Variants in NHSL3 observed in about 807,000 individuals in gnomAD.
NHSL3 encodes NHS-like protein 3.
chr1:32,769,615 G>A, the NHSL3 span: 3 of 1,305,186 alleles, frequency 2.3e-6, no homozygotes, highest in Non-Finnish European at 3.3e-6. Context: ...GTAGTGCCCT[G>A]CAGAATGTGC....
At chr1:32,753,085 C>T in the NHSL3 span, among the ~76,000 whole-genome samples, 1 of 151,442 alleles carries the variant, frequency 6.6e-6, no homozygotes, top group African/African-American at 2.4e-5. Flanking sequence ...TCTCCTGCCT[C>T]AGCCTTCTGA....
At chr1:32,748,324 G>A in the NHSL3 span, among the ~76,000 whole-genome samples, 1 of 152,110 alleles carries the variant, frequency 6.6e-6, no homozygotes, top group South Asian at 2.1e-4. Context: ...GGTAAGGAGA[G>A]TCCATTATGA....
the NHSL3 span, among the ~76,000 whole-genome samples, chr1:32,760,954 T>C: frequency 1.3e-5 from 2 of 152,154 alleles, no homozygotes; most frequent in African/African-American, 4.8e-5. Flanking sequence ...GCCTGCTGCC[T>C]GAGTCTCTGC....
the NHSL3 span, chr1:32,769,582 C>G: frequency 9.9e-7 from 1 of 1,014,176 alleles, no homozygotes; most frequent in Non-Finnish European, 1.5e-6. Context: ...GAAACCATTT[C>G]TCGCAGAGCT....
the NHSL3 span, chr1:32,773,060 CAG>C: frequency 4.9e-4 from 322 of 654,178 alleles, no homozygotes; most frequent in Non-Finnish European, 7.7e-4. Context: ...CTCCTGTCCT[CAG>C]AGTCATCCTG....
chr1:32,756,653 T>G, the NHSL3 span, among the ~76,000 whole-genome samples: 1 of 68,358 alleles, frequency 1.5e-5, no homozygotes, highest in African/African-American at 6.4e-5. Context: ...TGAGACCCTG[T>G]CTCCAAAAAA....
chr1:32,758,801 C>T, the NHSL3 span, among the ~76,000 whole-genome samples: 1 of 152,058 alleles, frequency 6.6e-6, no homozygotes, highest in East Asian at 1.9e-4. Context: ...GGCTCAGGAT[C>T]ATGTTGCAAT....
At chr1:32,742,019 C>G in the NHSL3 span, 5 of 1,239,448 alleles carry the variant, frequency 4.0e-6, no homozygotes, top group Non-Finnish European at 5.1e-6. Flanking sequence ...GGCGGCCCCC[C>G]GCGCAGGAAG....
chr1:32,748,373 A>AC, the NHSL3 span, among the ~76,000 whole-genome samples: 2 of 152,110 alleles, frequency 1.3e-5, no homozygotes. Flanking sequence ...GGGCCTAGAT[A>AC]GTTCCAAAGC....
the NHSL3 span, chr1:32,765,490 A>G: frequency 4.8e-6 from 3 of 625,970 alleles, no homozygotes; most frequent in Non-Finnish European, 8.0e-6. Flanking sequence ...ATCATACTCT[A>G]CTGGAGCAGA....
chr1:32,768,557 T>C, the NHSL3 span: 4 of 1,478,406 alleles, frequency 2.7e-6, no homozygotes, highest in Middle Eastern at 1.9e-4. Flanking sequence ...ATTTCGCTAC[T>C]GCACTCCAGC....
At chr1:32,760,772 G>A in the NHSL3 span, among the ~76,000 whole-genome samples, 35 of 152,200 alleles carry the variant, frequency 2.3e-4, no homozygotes, top group South Asian at 1.2e-3. Flanking sequence ...TGTATTTTTA[G>A]TAGAGACGGG....
chr1:32,742,836 T>C, the NHSL3 span, among the ~76,000 whole-genome samples: 1 of 152,314 alleles, frequency 6.6e-6, no homozygotes, highest in African/African-American at 2.4e-5. Flanking sequence ...CACTCCTTCT[T>C]CCAGCCCTGG....
At chr1:32,772,963 A>G in the NHSL3 span, 1 of 1,426,036 alleles carries the variant, frequency 7.0e-7, no homozygotes, top group South Asian at 1.1e-5. Context: ...TCCAAGGACG[A>G]GAGGATACAG....
At chr1:32,774,178 C>CGCTT in the NHSL3 span, 1 of 152,674 alleles carries the variant, frequency 6.5e-6, no homozygotes, top group Admixed American at 6.5e-5. Flanking sequence ...CCAGGGCCAC[C>CGCTT]GCTTCTTTCT....
the NHSL3 span, among the ~76,000 whole-genome samples, chr1:32,755,533 C>G: frequency 2.6e-5 from 4 of 152,114 alleles, no homozygotes; most frequent in African/African-American, 9.7e-5. Flanking sequence ...TTTCACTTGT[C>G]TGGACCACTC....
the NHSL3 span, chr1:32,771,824 C>T: frequency 1.6e-5 from 25 of 1,611,444 alleles, no homozygotes; most frequent in Middle Eastern, 1.6e-4. Flanking sequence ...GTCACGCCCT[C>T]GCTCCTGCAG....
At chr1:32,745,586 C>T in the NHSL3 span, among the ~76,000 whole-genome samples, 1 of 149,630 alleles carries the variant, frequency 6.7e-6, no homozygotes, top group Non-Finnish European at 1.5e-5. Flanking sequence ...AAATGGACAA[C>T]TCTGCTTCCC....
At chr1:32,754,102 C>A in the NHSL3 span, 1 of 702,964 alleles carries the variant, frequency 1.4e-6, no homozygotes, top group African/African-American at 1.8e-5. Context: ...GGGGAACTCA[C>A]ACCACAAGAG....
Sources: gnomAD v4.1 joint callset for allele counts (sites outside exome capture counted in the v4.1 genomes callset) on GRCh38, gnomAD v4.1.1 for gene constraint, MANE v1.5 for transcripts, NCBI Gene and HGNC (gene_info 2026-07-23, HGNC 2026-07-21) for gene names.